The following SHISA9 variants were observed in gnomAD, a reference collection of about 807,000 sequenced individuals.
The protein encoded by SHISA9 is protein shisa-9.
In SHISA9, 13 loss-of-function variants were observed where a neutral mutation model predicts 38.0. That is an observed-to-expected ratio of 0.34 (90% CI 0.22 to 0.54). The LOEUF is 0.54. Ranked by LOEUF, SHISA9 falls within the 20% of genes least tolerant of loss-of-function variation. The pLI, the probability that SHISA9 is intolerant of heterozygous loss-of-function variation, is 0.91. For missense variants in SHISA9, 538 were observed against 575.8 expected (o/e 0.93, Z 0.67); for synonymous variants, 275 against 242.0 (o/e 1.14, Z -1.27).
chr16:13,160,321 A>G (rs564998911), intron 2 of SHISA9, among the ~76,000 whole-genome samples: 7 of 152,184 alleles, frequency 4.6e-5, no homozygotes, highest in Admixed American at 1.3e-4. Context: ...GATTTGTTCA[A>G]TCAGATTTCC....
At chr16:13,388,602 C>T in the SHISA9 span, among the ~76,000 whole-genome samples, 1 of 152,248 alleles carries the variant, frequency 6.6e-6, no homozygotes, top group East Asian at 1.9e-4. Context: ...TGTGCCTGGC[C>T]AGCAGAATTT....
chr16:13,548,609 T>A, the SHISA9 span, among the ~76,000 whole-genome samples: 1 of 152,178 alleles, frequency 6.6e-6, no homozygotes, highest in African/African-American at 2.4e-5. Context: ...CTTTTTTAGA[T>A]GCTCAACATC....
At chr16:13,221,122 G>A (rs1273347385) in intron 4 of SHISA9, among the ~76,000 whole-genome samples, 3 of 152,194 alleles carry the variant, frequency 2.0e-5, no homozygotes, top group Admixed American at 6.5e-5. Context: ...GCCTTTTTCC[G>A]GTTTTCTCTC....
At chr16:13,512,304 A>G in the SHISA9 span, among the ~76,000 whole-genome samples, 1 of 152,144 alleles carries the variant, frequency 6.6e-6, no homozygotes, top group Non-Finnish European at 1.5e-5. Context: ...CTAACAAGGG[A>G]CGTGAAGGAC....
intron 2 of SHISA9, among the ~76,000 whole-genome samples, chr16:13,191,784 G>C (rs2050887877): frequency 6.6e-6 from 1 of 152,186 alleles, no homozygotes; most frequent in Admixed American, 6.5e-5. Flanking sequence ...TGGAGATGAA[G>C]AATGTCCCTG....
the SHISA9 span, among the ~76,000 whole-genome samples, chr16:13,436,095 A>T: frequency 6.6e-6 from 1 of 152,228 alleles, no homozygotes; most frequent in African/African-American, 2.4e-5. Context: ...TGTTAGAACC[A>T]GAGTGACTCC....
chr16:12,909,666 C>T, intron 1 of SHISA9: 1 of 937,166 alleles, frequency 1.1e-6, no homozygotes, highest in Non-Finnish European at 1.3e-6. Context: ...CTCTGAGAAG[C>T]CGTCCCTGAC....
At chr16:13,044,007 C>G (rs2073160716) in intron 2 of SHISA9, among the ~76,000 whole-genome samples, 1 of 152,154 alleles carries the variant, frequency 6.6e-6, no homozygotes, top group Non-Finnish European at 1.5e-5. Context: ...CAGAACTTAG[C>G]CTGGCCAAAG....
the SHISA9 span, among the ~76,000 whole-genome samples, chr16:13,374,592 T>C: frequency 6.6e-6 from 1 of 152,194 alleles, no homozygotes; most frequent in Non-Finnish European, 1.5e-5. Flanking sequence ...TGGTTCCAAG[T>C]CTTTGCTATT....
chr16:13,468,116 A>G, the SHISA9 span, among the ~76,000 whole-genome samples: 425 of 152,252 alleles, frequency 2.8e-3, 3 homozygotes, highest in African/African-American at 9.7e-3. Context: ...TCCCTTTCTC[A>G]TCTAATATTG....
chr16:13,183,486 G>C (rs1420129377), intron 2 of SHISA9, among the ~76,000 whole-genome samples: 1 of 152,208 alleles, frequency 6.6e-6, no homozygotes, highest in African/African-American at 2.4e-5. Flanking sequence ...TCCTTAAAAG[G>C]CATAAAATGC....
At chr16:13,269,151 T>G in the SHISA9 span, among the ~76,000 whole-genome samples, 1 of 152,182 alleles carries the variant, frequency 6.6e-6, no homozygotes. Context: ...ATCTGATCTT[T>G]GAGAGAGAAT....
At chr16:13,354,966 T>C in the SHISA9 span, among the ~76,000 whole-genome samples, 1 of 150,786 alleles carries the variant, frequency 6.6e-6, no homozygotes, top group African/African-American at 2.4e-5. Context: ...TTTGCTGAGC[T>C]TGATGGGTGT....
At chr16:12,960,788 T>C (rs1604307) in intron 2 of SHISA9, among the ~76,000 whole-genome samples, 29,313 of 152,120 alleles carry the variant, frequency 0.19, 3,466 homozygotes, top group Middle Eastern at 0.35. Context: ...TCTTCCCTCC[T>C]CTCCAACCCT....
At chr16:13,358,670 CA>C in the SHISA9 span, among the ~76,000 whole-genome samples, 1 of 152,266 alleles carries the variant, frequency 6.6e-6, no homozygotes, top group East Asian at 1.9e-4. Context: ...GTGCTTCAAC[CA>C]ACCAGTGAAA....
chr16:13,560,923 G>C, the SHISA9 span, among the ~76,000 whole-genome samples: 1 of 152,106 alleles, frequency 6.6e-6, no homozygotes, highest in African/African-American at 2.4e-5. Flanking sequence ...GAGTGCAGTG[G>C]CACAATCTCG....
chr16:13,269,929 G>A, the SHISA9 span, among the ~76,000 whole-genome samples: 6 of 152,142 alleles, frequency 3.9e-5, no homozygotes, highest in Admixed American at 3.9e-4. Flanking sequence ...CCTCTTTAAA[G>A]TTCCCCACTA....
intron 2 of SHISA9, among the ~76,000 whole-genome samples, chr16:13,188,034 G>A (rs1443556320): frequency 6.6e-6 from 1 of 152,114 alleles, no homozygotes; most frequent in Admixed American, 6.5e-5. Flanking sequence ...GATCAATGTA[G>A]TATCTTTATT....
the SHISA9 span, among the ~76,000 whole-genome samples, chr16:13,418,610 C>T: frequency 6.6e-6 from 1 of 152,128 alleles, no homozygotes; most frequent in Non-Finnish European, 1.5e-5. Context: ...TGCCCAGGCC[C>T]ATGGAGAGAG....
Sources: allele counts gnomAD v4.1 joint callset (sites outside exome capture counted in the v4.1 genomes callset), GRCh38; gene constraint gnomAD v4.1.1; transcripts MANE v1.5; gene names NCBI Gene and HGNC (gene_info 2026-07-23, HGNC 2026-07-21).